Variants in RBM33 observed in about 807,000 individuals in gnomAD.
RBM33 encodes the protein RNA-binding protein 33.
In RBM33, 28 loss-of-function variants were observed where a neutral mutation model predicts 132.6. The observed-to-expected ratio is 0.21, with a 90% CI of 0.16 to 0.29. RBM33 has a LOEUF of 0.29. RBM33 is among the 10% of genes least tolerant of loss of function. The pLI, the probability that RBM33 is intolerant of heterozygous loss-of-function variation, is 1.00. For missense variants in RBM33, 1,291 were observed against 1,518.5 expected (o/e 0.85, Z 2.49); for synonymous variants, 634 against 593.0 (o/e 1.07, Z -1.01).
chr7:155,736,243 G>A (rs754375387), intron 9 of RBM33, among the ~76,000 whole-genome samples: 9 of 152,198 alleles, frequency 5.9e-5, no homozygotes, highest in Non-Finnish European at 1.5e-5. Context: ...GTTGTGTTTA[G>A]AGGGAACAGT....
At chr7:155,703,287 T>G (rs753374358) in intron 6 of RBM33, among the ~76,000 whole-genome samples, 9 of 152,244 alleles carry the variant, frequency 5.9e-5, no homozygotes, top group Non-Finnish European at 1.2e-4. Context: ...CTGGAAACTT[T>G]GTGTTCATGT....
chr7:155,710,163 A>G (rs1428736112), intron 7 of RBM33, among the ~76,000 whole-genome samples: 1 of 152,256 alleles, frequency 6.6e-6, no homozygotes. Flanking sequence ...ATTTGGCATC[A>G]TCTCAGGGAA....
At chr7:155,645,613 C>A (rs79236276) in intron 1 of RBM33, among the ~76,000 whole-genome samples, 2,275 of 152,222 alleles carry the variant, frequency 0.015, 53 homozygotes, top group African/African-American at 0.052. Context: ...GATGAAACAC[C>A]TATCTCTAAA....
At chr7:155,659,666 C>G (rs2161883) in intron 1 of RBM33, among the ~76,000 whole-genome samples, 1 of 151,970 alleles carries the variant, frequency 6.6e-6, no homozygotes, top group East Asian at 1.9e-4. Flanking sequence ...GAAAAAAAAT[C>G]TGAGGAAATA....
Position 155,673,691 on chromosome 7 carries a change from CACATATATACAT to C in RBM33, c.171+780_171+791del, listed in dbSNP as rs1204480654. On this transcript the variant is annotated intron_variant, in intron 3 of 17. Transcript: ENST00000401878. ...ACATACACACGTGTATATATATACA[CACATATATACAT>C]ACACACGTGTATATATATACACACA... Among the ~76,000 whole-genome samples the C allele has an allele frequency of 4.7e-4, 65 of 138,384 alleles. 2 individuals carry two copies. The highest frequency in any genetic ancestry group is 1.7e-3 in the African/African-American group (59 of 34,152). 90.8% of individuals were successfully genotyped at this position (138,384 alleles called of 152,430 possible). A position where few individuals can be genotyped will look rare whatever the true frequency, so the allele number is the denominator to read the frequency against.
intron 9 of RBM33, among the ~76,000 whole-genome samples, chr7:155,734,211 C>T (rs142092636): frequency 1.6e-4 from 25 of 152,346 alleles, no homozygotes; most frequent in Non-Finnish European, 2.8e-4. Flanking sequence ...AGATCATCCC[C>T]GGCAGGCGGT....
intron 8 of RBM33, among the ~76,000 whole-genome samples, chr7:155,711,732 G>A (rs1227216711): frequency 1.3e-5 from 2 of 152,168 alleles, no homozygotes; most frequent in South Asian, 2.1e-4. Context: ...CTGAAGGTAG[G>A]TGAGGCTAAG....
At chr7:155,718,483 C>T (rs745566391) in intron 9 of RBM33, 40 bp downstream of exon 9, 2 of 1,509,712 alleles carry the variant, frequency 1.3e-6, no homozygotes, top group Non-Finnish European at 1.8e-6. Flanking sequence ...TAGGGATGAG[C>T]ATACATTTAC....
chr7:155,721,554 G>A (rs534962592), intron 9 of RBM33, among the ~76,000 whole-genome samples: 4 of 152,014 alleles, frequency 2.6e-5, no homozygotes, highest in African/African-American at 4.8e-5. Flanking sequence ...CAGACAATAC[G>A]CAAAAGTACC....
chr7:155,646,749 T>C (rs907973346), intron 1 of RBM33, among the ~76,000 whole-genome samples: 2 of 152,248 alleles, frequency 1.3e-5, no homozygotes, highest in African/African-American at 4.8e-5. Context: ...AGAACGTTTA[T>C]CTTAATTTGT....
intron 5 of RBM33, among the ~76,000 whole-genome samples, chr7:155,687,202 G>A (rs1799506884): frequency 1.3e-5 from 2 of 152,180 alleles, no homozygotes. Flanking sequence ...TCTCATTGTG[G>A]TTTTGATTTG....
At chr7:155,684,860 A>G (rs1254019179) in intron 5 of RBM33, 14 of 1,467,282 alleles carry the variant, frequency 9.5e-6, no homozygotes, top group Non-Finnish European at 1.3e-5. Flanking sequence ...TGAATCATAA[A>G]GACGAAAAGT....
chr7:155,719,249 CAG>C (rs986661530), intron 9 of RBM33, among the ~76,000 whole-genome samples: 3 of 151,422 alleles, frequency 2.0e-5, no homozygotes, highest in African/African-American at 7.3e-5. Flanking sequence ...ATATGTAAAA[CAG>C]AGGTAGTCTT....
chr7:155,707,253 A>T, intron 7 of RBM33, 185 bp downstream of exon 7: 2 of 700,218 alleles, frequency 2.9e-6, no homozygotes, highest in Admixed American at 2.0e-5. Context: ...GAAATTCAGC[A>T]CTCCAGTCAT....
chr7:155,678,563 T>C (rs1371854893), intron 3 of RBM33, 45 bp from the exon 4 acceptor site: 6 of 1,224,436 alleles, frequency 4.9e-6, no homozygotes, highest in Non-Finnish European at 7.0e-6. Flanking sequence ...AACAAGTCTT[T>C]TTATGGAAGT....
At position 155,774,463 on chromosome 7, in the gene RBM33, C is replaced by T. The variant is rs1802539372; in HGVS notation, c.3376-96C>T. 1 of 866,682 alleles carries T rather than the reference C, an allele frequency of 1.2e-6. No homozygotes were observed. The highest frequency in any genetic ancestry group is 1.5e-5 in the South Asian group (1 of 64,636). 53.7% of individuals were successfully genotyped at this position (866,682 alleles called of 1,614,324 possible). ...TGTGTTCCAAATGTCCGCCTGGACTCATTTTGTGTTAAAACTAATAATGCT... is the reference window on the plus strand; with the variant it reads ...TGTGTTCCAAATGTCCGCCTGGACTTATTTTGTGTTAAAACTAATAATGCT... On this transcript the variant is annotated intron_variant, in intron 16 of 17. Coordinates refer to ENST00000401878, the MANE Select transcript of RBM33 (RefSeq NM_053043.3). The surrounding 1 kb of genome is among the most constrained non-coding windows in gnomAD (Gnocchi z 4.2).
At chr7:155,673,944 T>TGTTTGTTTTTTTTTTTG (rs1563138306) in intron 3 of RBM33, among the ~76,000 whole-genome samples, 8 of 86,470 alleles carry the variant, frequency 9.3e-5, no homozygotes, top group Non-Finnish European at 1.9e-4. Flanking sequence ...GGCTTAGTTT[T>TGTTTGTTTTTTTTTTTG]TTTTTTTTTT....
At chr7:155,750,648 T>C (rs1187013658) in intron 14 of RBM33, among the ~76,000 whole-genome samples, 2 of 152,132 alleles carry the variant, frequency 1.3e-5, no homozygotes, top group African/African-American at 4.8e-5. Context: ...CATAATCATG[T>C]AAAGTTAGTG....
chr7:155,661,989 GTCTCCCTGT>G (rs1798664172), intron 1 of RBM33, among the ~76,000 whole-genome samples: 1 of 152,082 alleles, frequency 6.6e-6, no homozygotes, highest in African/African-American at 2.4e-5. Context: ...CTGGGTGCTG[GTCTCCCTGT>G]TCTCCCACCC....
Sources: gnomAD v4.1 joint callset for allele counts (sites outside exome capture counted in the v4.1 genomes callset) on GRCh38, gnomAD v4.1.1 for gene constraint, Gnocchi (gnomAD v3.1) non-coding constraint, MANE v1.5 for transcripts, NCBI Gene and HGNC (gene_info 2026-07-23, HGNC 2026-07-21) for gene names.